Variants in ERBB4 observed in about 807,000 individuals in gnomAD.
ERBB4 encodes the protein receptor tyrosine-protein kinase erbB-4.
A neutral mutation model predicts 158.0 loss-of-function variants in ERBB4; 42 were observed. The ratio of observed to expected loss-of-function variants is 0.27; its 90% CI spans 0.21 to 0.34. The LOEUF is 0.34. Ranked by LOEUF, ERBB4 falls within the 10% of genes least tolerant of loss-of-function variation. The pLI, the probability that ERBB4 is intolerant of heterozygous loss-of-function variation, is 1.00. For missense variants in ERBB4, 1,333 were observed against 1,624.1 expected, an observed-to-expected ratio of 0.82 and a Z score of 3.08; for synonymous variants, 583 against 558.7, an observed-to-expected ratio of 1.04 and a Z score of -0.61.
At chr2:212,062,668 A>G (rs1426191628) in intron 2 of ERBB4, among the ~76,000 whole-genome samples, 2 of 151,976 alleles carry the variant, frequency 1.3e-5, no homozygotes, top group African/African-American at 4.8e-5. Context: ...GCTTCCCACA[A>G]TGTTGGGATT....
At chr2:212,054,853 G>A (rs1340501934) in intron 2 of ERBB4, among the ~76,000 whole-genome samples, 1 of 152,188 alleles carries the variant, frequency 6.6e-6, no homozygotes, top group Non-Finnish European at 1.5e-5. Flanking sequence ...AACAGCTTGA[G>A]TCTACAGCTC....
At position 212,298,619 on chromosome 2, in the gene ERBB4, C is replaced by G. The variant is rs150405315; in HGVS notation, c.83-173716G>C. Reference sequence around the variant, plus strand: ...CTGAGGAACTCACTACCTCTCATGTCTAAGATACTACCATCTTTAATCTTT... The same window carrying G: ...CTGAGGAACTCACTACCTCTCATGTGTAAGATACTACCATCTTTAATCTTT... On this transcript the variant is annotated intron_variant, in intron 1 of 27. Transcript: ENST00000342788. Among the ~76,000 whole-genome samples the G allele has an allele frequency of 6.6e-3, 1,007 of 151,794 alleles. 11 individuals carry two copies. The highest frequency in any genetic ancestry group is 0.023 in the African/African-American group (943 of 41,498).
intron 1 of ERBB4, among the ~76,000 whole-genome samples, chr2:212,275,038 C>T (rs536794741): frequency 1.3e-5 from 2 of 151,754 alleles, no homozygotes; most frequent in Admixed American, 1.3e-4. Flanking sequence ...TTTTCTGTTC[C>T]CTTGTTAGTT....
intron 1 of ERBB4, among the ~76,000 whole-genome samples, chr2:212,507,262 C>A (rs568688205): frequency 6.6e-6 from 1 of 150,564 alleles, no homozygotes; most frequent in East Asian, 2.0e-4. Flanking sequence ...GACAATGAAC[C>A]TACTAACCAA....
At chr2:212,007,289 G>C (rs1028964865) in intron 2 of ERBB4, among the ~76,000 whole-genome samples, 5 of 151,610 alleles carry the variant, frequency 3.3e-5, no homozygotes, top group Non-Finnish European at 7.4e-5. Flanking sequence ...AAATAAGGAA[G>C]ATATTTGTGC....
rs2062511540 is a variant in ERBB4, at chr2:211,378,144, G to T, written c.*5471C>A. On this transcript the variant is annotated 3_prime_UTR_variant, in exon 28 of 28. Coordinates refer to ENST00000342788, the MANE Select transcript of ERBB4 (RefSeq NM_005235.3). ...CAGTTGTGTCAATGGGCAAAAAAGG[G>T]AAGGATTCTATTTTCCTCTAAAGGT... 2 of 233,000 alleles carry T rather than the reference G, an allele frequency of 8.6e-6. No individual in the cohort carries two copies. The highest frequency in any genetic ancestry group is 5.6e-5 in the Admixed American group (1 of 17,722). The allele number at this position is 233,000 out of a possible 1,614,324, so 14.4% of individuals were successfully genotyped here. A position where few individuals can be genotyped will look rare whatever the true frequency, so the allele number is the denominator to read the frequency against.
chr2:212,280,168 T>G (rs1000958167), intron 1 of ERBB4, among the ~76,000 whole-genome samples: 1 of 151,610 alleles, frequency 6.6e-6, no homozygotes, highest in Non-Finnish European at 1.5e-5. Context: ...AGGTTGTACC[T>G]CATTACCTGT....
At chr2:211,715,651 C>A (rs1251783517) in intron 7 of ERBB4, among the ~76,000 whole-genome samples, 5 of 152,112 alleles carry the variant, frequency 3.3e-5, no homozygotes. Context: ...AGCATGAGAT[C>A]TGGTTGTTTA....
intron 1 of ERBB4, among the ~76,000 whole-genome samples, chr2:212,382,440 C>T (rs149559741): frequency 2.7e-4 from 40 of 150,562 alleles, no homozygotes; most frequent in Admixed American, 8.0e-4. Flanking sequence ...TATAATATGA[C>T]AATATGTAGT....
intron 16 of ERBB4, chr2:211,657,553 T>C: frequency 1.7e-6 from 1 of 597,072 alleles, no homozygotes; most frequent in Non-Finnish European, 3.0e-6. Context: ...ACTGGGACTC[T>C]TGTATCACAA....
At chr2:212,449,559 C>T (rs561075928) in intron 1 of ERBB4, among the ~76,000 whole-genome samples, 2 of 152,178 alleles carry the variant, frequency 1.3e-5, no homozygotes, top group African/African-American at 4.8e-5. Flanking sequence ...ACAATTGCTA[C>T]CATATTTTTT....
intron 20 of ERBB4, among the ~76,000 whole-genome samples, chr2:211,452,421 C>T (rs912464268): frequency 6.6e-6 from 1 of 152,086 alleles, no homozygotes; most frequent in Admixed American, 6.5e-5. Context: ...TGTGATCCAC[C>T]CACCTCGGCC....
chr2:212,132,201 T>C (rs1434855920), intron 1 of ERBB4, among the ~76,000 whole-genome samples: 1 of 152,232 alleles, frequency 6.6e-6, no homozygotes, highest in Admixed American at 6.5e-5. Context: ...TTTTTGGTTA[T>C]AGGCATAATA....
Position 212,267,219 on chromosome 2 carries a change from C to A in ERBB4, c.83-142316G>T, listed in dbSNP as rs535828039. Among the ~76,000 whole-genome samples the A allele has an allele frequency of 3.6e-4, 55 of 151,902 alleles. 2 individuals carry two copies. In the South Asian group the frequency reaches 6.2e-3, roughly 17 times the overall value. On this transcript the variant is annotated intron_variant, in intron 1 of 27. Transcript: ENST00000342788. ...CTTTGTGAACATGCATTTCAATAAA[C>A]CATAATGTTTGTAAAATCAGAACAT... is the stretch of plus-strand genomic sequence containing the variant.
chr2:212,335,877 A>G (rs116795124), intron 1 of ERBB4, among the ~76,000 whole-genome samples: 2 of 152,006 alleles, frequency 1.3e-5, no homozygotes, highest in Non-Finnish European at 2.9e-5. Flanking sequence ...AAGAAGTTCC[A>G]CTGTTAATTT....
intron 1 of ERBB4, among the ~76,000 whole-genome samples, chr2:212,266,940 A>C (rs2085157785): frequency 6.6e-6 from 1 of 152,038 alleles, no homozygotes; most frequent in African/African-American, 2.4e-5. Context: ...ATCGGACTTA[A>C]CGAAGAGAAC....
At chr2:212,142,632 ATAT>A (rs1484153702) in intron 1 of ERBB4, among the ~76,000 whole-genome samples, 1 of 148,146 alleles carries the variant, frequency 6.8e-6, no homozygotes, top group Non-Finnish European at 1.5e-5. Flanking sequence ...ATATATATAA[ATAT>A]TATCCTCAAT....
intron 1 of ERBB4, among the ~76,000 whole-genome samples, chr2:212,432,529 G>A (rs1505368): frequency 0.43 from 65,535 of 151,818 alleles, 14,806 homozygotes; most frequent in Non-Finnish European, 0.49. Flanking sequence ...TAAGTGTTAA[G>A]TAACTTGACT....
chr2:212,466,718 T>G (rs1574973788), intron 1 of ERBB4, among the ~76,000 whole-genome samples: 1 of 152,148 alleles, frequency 6.6e-6, no homozygotes, highest in Non-Finnish European at 1.5e-5. Flanking sequence ...ATGCAGTACA[T>G]TGGTACCAGT....
Sources: gnomAD v4.1 joint callset for allele counts (sites outside exome capture counted in the v4.1 genomes callset) on GRCh38, gnomAD v4.1.1 for gene constraint, MANE v1.5 for transcripts, NCBI Gene and HGNC (gene_info 2026-07-23, HGNC 2026-07-21) for gene names.